The following MOBP variants were observed in gnomAD, a reference collection of about 807,000 sequenced individuals.
MOBP encodes the protein myelin-associated oligodendrocyte basic protein.
In MOBP, 5 loss-of-function variants were observed where a neutral mutation model predicts 15.0. The observed-to-expected ratio is 0.33, with a 90% CI of 0.17 to 0.70. The LOEUF (loss-of-function observed/expected upper bound fraction) is 0.70, where lower values mean the gene tolerates loss of function less well. Among genes scored for constraint, MOBP ranks in the 30% least tolerant of loss-of-function variants. The probability of loss-of-function intolerance (pLI) is 0.67; values close to 1 mark genes in which losing one functional copy is unlikely to be tolerated. For synonymous variants in MOBP, 88 were observed against 99.0 expected (o/e 0.89, Z 0.66); for missense variants, 188 against 257.8 (o/e 0.73, Z 1.85).
Position 39,469,234 on chromosome 3 carries a change from G to GTGTGTATATATACACATATACATA in MOBP, c.-89+1499_-89+1500insATATATACACATATACATATGTGT, listed in dbSNP as rs1559412392. 5.5e-4 allele frequency among the ~76,000 whole-genome samples: 27 copies of GTGTGTATATATACACATATACATA among 48,908 alleles called. 3 individuals are homozygous for GTGTGTATATATACACATATACATA. Among genetic ancestry groups the GTGTGTATATATACACATATACATA allele is most frequent in the African/African-American group, 1.5e-3 (24 of 15,886 alleles). 32.1% of individuals were successfully genotyped at this position (48,908 alleles called of 152,430 possible). ...TGTGTGTATATACATATATACATAT[G>GTGTGTATATATACACATATACATA]TGTGTGTATATATACATATATGTGT... is the stretch of plus-strand genomic sequence containing the variant. On this transcript the variant is annotated intron_variant, in intron 1 of 3. Coordinates refer to ENST00000684792, the MANE Select transcript of MOBP (RefSeq NM_001393704.1).
chr3:39,516,159 A>T (rs1228982228), downstream of MOBP, among the ~76,000 whole-genome samples: 1 of 152,206 alleles, frequency 6.6e-6, no homozygotes, highest in Non-Finnish European at 1.5e-5. Context: ...AGGAACAGAA[A>T]TTTGCAATTG....
At chr3:39,493,999 TC>T (rs1302288763) in intron 2 of MOBP, among the ~76,000 whole-genome samples, 1 of 152,160 alleles carries the variant, frequency 6.6e-6, no homozygotes, top group Non-Finnish European at 1.5e-5. Context: ...TGAAGAAAGG[TC>T]ATCTTCCCAT....
At chr3:39,468,401 G>A (rs746454115) in intron 1 of MOBP, among the ~76,000 whole-genome samples, 6 of 152,172 alleles carry the variant, frequency 3.9e-5, no homozygotes, top group Non-Finnish European at 8.8e-5. Context: ...GTACTAGCAG[G>A]AAAACGGGGA....
At chr3:39,519,505 CTTT>C (rs3036572), downstream of MOBP, among the ~76,000 whole-genome samples, 7,098 of 131,558 alleles carry the variant, frequency 0.054, 614 homozygotes, top group African/African-American at 0.18. Context: ...TAAATGGCAT[CTTT>C]TTTTTTTTTT....
At chr3:39,506,120 A>AC (rs547350316), downstream of MOBP, among the ~76,000 whole-genome samples, 18 of 150,574 alleles carry the variant, frequency 1.2e-4, no homozygotes, top group South Asian at 3.2e-3. Flanking sequence ...CAACTTAGCA[A>AC]CCCCCCTAAC....
intron 2 of MOBP, among the ~76,000 whole-genome samples, chr3:39,488,222 A>G (rs1421445394): frequency 1.3e-5 from 2 of 152,130 alleles, no homozygotes; most frequent in African/African-American, 4.8e-5. Flanking sequence ...TATGTCAAAT[A>G]CAGTGCAATT....
At chr3:39,468,667 T>C (rs1022823691) in intron 1 of MOBP, among the ~76,000 whole-genome samples, 1 of 151,982 alleles carries the variant, frequency 6.6e-6, no homozygotes, top group Non-Finnish European at 1.5e-5. Flanking sequence ...TACATATGGG[T>C]GTATATATAA....
At chr3:39,516,129 T>C (rs1378764302), downstream of MOBP, 2 of 152,206 alleles carry the variant, frequency 1.3e-5, no homozygotes, top group Non-Finnish European at 2.9e-5. Flanking sequence ...ATACTCTCTG[T>C]GTGAAGTAAA....
At chr3:39,487,518 C>CTT (rs1216386382) in intron 2 of MOBP, among the ~76,000 whole-genome samples, 1,633 of 102,302 alleles carry the variant, frequency 0.016, 17 homozygotes, top group African/African-American at 0.028. Flanking sequence ...AATTTTCTTT[C>CTT]TTTTTTTTTT....
intron 2 of MOBP, among the ~76,000 whole-genome samples, chr3:39,496,732 C>T (rs909941414): frequency 4.0e-5 from 6 of 151,730 alleles, no homozygotes; most frequent in East Asian, 1.9e-4. Context: ...AGTGCAATCT[C>T]GGCTCACCAC....
chr3:39,480,932 A>C (rs1459512146), intron 2 of MOBP, among the ~76,000 whole-genome samples: 1 of 152,200 alleles, frequency 6.6e-6, no homozygotes, highest in Non-Finnish European at 1.5e-5. Context: ...TTTGTTATAT[A>C]TATCCCATTA....
At chr3:39,503,416 G>C (rs1183744043), downstream of MOBP, among the ~76,000 whole-genome samples, 3 of 152,196 alleles carry the variant, frequency 2.0e-5, no homozygotes, top group African/African-American at 4.8e-5. Flanking sequence ...TGAGGAAGCC[G>C]TGTTGTTTGA....
intron 1 of MOBP, among the ~76,000 whole-genome samples, chr3:39,468,849 A>G (rs530796281): frequency 8.7e-6 from 1 of 114,858 alleles, no homozygotes; most frequent in Admixed American, 7.9e-5. Flanking sequence ...ATATACATAT[A>G]TACATGAGTG....
At chr3:39,479,712 GC>G (rs1389457512) in intron 1 of MOBP, among the ~76,000 whole-genome samples, 1 of 151,546 alleles carries the variant, frequency 6.6e-6, no homozygotes, top group African/African-American at 2.4e-5. Context: ...AAGTTTATAA[GC>G]AAAAATTCGG....
intron 1 of MOBP, among the ~76,000 whole-genome samples, chr3:39,478,507 TG>T (rs974015168): frequency 4.6e-5 from 7 of 152,172 alleles, no homozygotes; most frequent in African/African-American, 1.7e-4. Flanking sequence ...GGTTCCCTAT[TG>T]TCTGTTATTC....
At chr3:39,498,812 T>G (rs1439719591) in intron 2 of MOBP, among the ~76,000 whole-genome samples, 1 of 151,986 alleles carries the variant, frequency 6.6e-6, no homozygotes, top group Non-Finnish European at 1.5e-5. Flanking sequence ...AGGGAAGTTG[T>G]CATGGAGTAA....
At chr3:39,495,675 C>T (rs909849862) in intron 2 of MOBP, among the ~76,000 whole-genome samples, 1 of 150,060 alleles carries the variant, frequency 6.7e-6, no homozygotes, top group African/African-American at 2.5e-5. Flanking sequence ...ATTGCTTGAG[C>T]CCAGGTGGTT....
At chr3:39,483,350 T>G (rs1321969310) in intron 2 of MOBP, among the ~76,000 whole-genome samples, 1 of 152,262 alleles carries the variant, frequency 6.6e-6, no homozygotes, top group Non-Finnish European at 1.5e-5. Context: ...ATTGCTATTG[T>G]GTGACTCAGA....
In MOBP at chr3:39,480,361, C is replaced by T. The variant is rs150016782; in HGVS notation, c.-5+238C>T. Reference sequence around the variant, plus strand: ...CCAGAGGGACTATGACCCAAGCCACCGAGTGTCTGTGCTTGGCAAACCCAC... The same window carrying T: ...CCAGAGGGACTATGACCCAAGCCACTGAGTGTCTGTGCTTGGCAAACCCAC... On this transcript the variant is annotated intron_variant, in intron 2 of 3. Transcript: ENST00000684792. 1.3e-3 allele frequency among the ~76,000 whole-genome samples: 201 copies of T among 152,232 alleles called. 5 individuals are homozygous for T. The East Asian group carries it at 0.031, about 23-fold the overall frequency.
Sources: gnomAD v4.1 joint callset for allele counts (sites outside exome capture counted in the v4.1 genomes callset) on GRCh38, gnomAD v4.1.1 for gene constraint, MANE v1.5 for transcripts, NCBI Gene and HGNC (gene_info 2026-07-23, HGNC 2026-07-21) for gene names.